TRDN: variants seen among roughly 807,000 people sequenced by gnomAD.
TRDN encodes triadin.
Under a neutral mutation model 149.7 loss-of-function variants are expected in TRDN, and 161 were observed. The ratio of observed to expected loss-of-function variants is 1.08; its 90% CI spans 0.95 to 1.23. TRDN has a LOEUF of 1.23. Among genes scored for constraint, TRDN ranks in the 50% most tolerant of loss-of-function variants. The pLI, the probability that TRDN is intolerant of heterozygous loss-of-function variation, is 0.00. For synonymous variants in TRDN, 294 were observed against 250.5 expected (o/e 1.17, Z -1.64); for missense variants, 896 against 823.5 (o/e 1.09, Z -1.08).
At chr6:123,494,949 G>A (rs1365948150) in intron 9 of TRDN, among the ~76,000 whole-genome samples, 2 of 151,820 alleles carry the variant, frequency 1.3e-5, no homozygotes, top group Non-Finnish European at 2.9e-5. Flanking sequence ...GGCCAGGCTG[G>A]TCTCAAACTC....
At chr6:123,447,130 T>C (rs1775432119) in intron 10 of TRDN, among the ~76,000 whole-genome samples, 1 of 152,204 alleles carries the variant, frequency 6.6e-6, no homozygotes. Flanking sequence ...GACTTTTCTT[T>C]AGTGATAGCT....
rs148302808 is a variant in TRDN, at chr6:123,578,431, T to C, written c.23-7299A>G. Among the ~76,000 whole-genome samples, 74 of 152,266 alleles carry C rather than the reference T, an allele frequency of 4.9e-4. 1 individual carries two copies. In the East Asian group the frequency reaches 0.014, roughly 28 times the overall value. ...TTACATATAACTTCCCCATTGCTTG[T>C]TTTTGTCAGCTTTGTCGAAGATCAG... On this transcript the variant is annotated intron_variant, in intron 1 of 40. Coordinates refer to ENST00000334268, the MANE Select transcript of TRDN (RefSeq NM_006073.4).
At chr6:123,584,963 C>A (rs569841864) in intron 1 of TRDN, among the ~76,000 whole-genome samples, 2 of 152,140 alleles carry the variant, frequency 1.3e-5, no homozygotes, top group South Asian at 4.1e-4. Context: ...AGTTTATAGG[C>A]TTTAAATGGC....
intron 26 of TRDN, 140 bp from the exon 27 acceptor site, chr6:123,274,810 T>A: frequency 1.3e-6 from 1 of 756,080 alleles, no homozygotes; most frequent in South Asian, 1.8e-5. Flanking sequence ...GAGGCAGAGG[T>A]TTCAGTGAGC....
chr6:123,470,142 T>C (rs1179205479), intron 9 of TRDN: 1 of 152,128 alleles, frequency 6.6e-6, no homozygotes, highest in Non-Finnish European at 1.5e-5. Context: ...TTTTAGTGTG[T>C]ATTTTTTTCT....
chr6:123,540,733 T>C (rs539132624), intron 4 of TRDN, among the ~76,000 whole-genome samples: 2 of 152,142 alleles, frequency 1.3e-5, no homozygotes, highest in Non-Finnish European at 2.9e-5. Flanking sequence ...TTAGCCAGGA[T>C]GGCCTCCATT....
chr6:123,474,895 A>G (rs1777384680), intron 9 of TRDN, among the ~76,000 whole-genome samples: 1 of 152,206 alleles, frequency 6.6e-6, no homozygotes, highest in Non-Finnish European at 1.5e-5. Context: ...AAGACACAAC[A>G]TACCAGAATC....
chr6:123,614,087 G>A (rs1185937919), intron 1 of TRDN, among the ~76,000 whole-genome samples: 1 of 151,704 alleles, frequency 6.6e-6, no homozygotes, highest in Non-Finnish European at 1.5e-5. Context: ...CAGTACCTGG[G>A]GGGCTTGTTA....
intron 24 of TRDN, among the ~76,000 whole-genome samples, chr6:123,311,082 C>T (rs1200378867): frequency 2.0e-5 from 3 of 151,804 alleles, no homozygotes; most frequent in East Asian, 3.9e-4. Context: ...AAATAAATAC[C>T]GAAGACTGGG....
chr6:123,469,919 A>AC (rs1777056162), intron 9 of TRDN: 1 of 152,236 alleles, frequency 6.6e-6, no homozygotes, highest in Admixed American at 6.5e-5. Context: ...TGAGCTCAGT[A>AC]CTTTTTCAGA....
Position 123,331,916 on chromosome 6 carries a change from C to T in TRDN, c.1434G>A (p.Gly478=). The change falls in exon 23 of 41, where the codon GGG becomes GGA. Residue 478 remains glycine (G), a synonymous_variant. Coordinates refer to ENST00000334268, the MANE Select transcript of TRDN (RefSeq NM_006073.4). ...GGGAAGCTGGAACTTTCTCTTCTTT[C>T]CCTTTAATAGGTTCTGAAAAGAAAC... ...SILKDKEPIK[G]KEEKVPASLK... 6.5e-7 allele frequency: 1 copy of T among 1,545,102 alleles called. No homozygotes were observed. Among genetic ancestry groups the T allele is most frequent in the Non-Finnish European group, 8.7e-7 (1 of 1,143,204 alleles).
intron 21 of TRDN, chr6:123,352,317 T>G (rs370231500): frequency 1.0e-6 from 1 of 984,990 alleles, no homozygotes; most frequent in Non-Finnish European, 1.2e-6. Context: ...TTGGGGAGTT[T>G]CCCTGTTCGG....
chr6:123,430,240 AGCC>A (rs978977360), intron 12 of TRDN, among the ~76,000 whole-genome samples: 6 of 152,040 alleles, frequency 3.9e-5, no homozygotes, highest in Admixed American at 1.3e-4. Flanking sequence ...ACTGCATTAA[AGCC>A]AGGTAGACAG....
intron 24 of TRDN, among the ~76,000 whole-genome samples, chr6:123,308,168 A>T (rs1335417361): frequency 1.3e-5 from 2 of 151,930 alleles, no homozygotes; most frequent in African/African-American, 4.8e-5. Context: ...CAGCTGCATC[A>T]ATTTTGCTTC....
chr6:123,490,498 G>T (rs1031097035), intron 9 of TRDN, among the ~76,000 whole-genome samples: 2 of 152,148 alleles, frequency 1.3e-5, no homozygotes, highest in African/African-American at 4.8e-5. Flanking sequence ...TTCAGACTGT[G>T]GTTGACTGTG....
chr6:123,502,118 T>C (rs1778725532), intron 8 of TRDN: 2 of 984,256 alleles, frequency 2.0e-6, no homozygotes, highest in South Asian at 9.4e-5. Context: ...TTCACTGATT[T>C]CATGTGATTA....
intron 15 of TRDN, 130 bp downstream of exon 15, chr6:123,381,987 CT>C: frequency 1.7e-6 from 1 of 604,094 alleles, no homozygotes. Context: ...CTCTCTCTCT[CT>C]CAATCTCAAT....
At chr6:123,544,585 C>T (rs1240288612) in intron 4 of TRDN, among the ~76,000 whole-genome samples, 1 of 151,898 alleles carries the variant, frequency 6.6e-6, no homozygotes, top group Non-Finnish European at 1.5e-5. Context: ...GCAAAGTATA[C>T]CACTATACAC....
At chr6:123,423,184 G>A (rs1477500559) in intron 12 of TRDN, among the ~76,000 whole-genome samples, 1 of 152,012 alleles carries the variant, frequency 6.6e-6, no homozygotes, top group Non-Finnish European at 1.5e-5. Flanking sequence ...AGAAGTTAAA[G>A]CTCAGAATAA....
Sources: allele counts gnomAD v4.1 joint callset (sites outside exome capture counted in the v4.1 genomes callset), GRCh38; gene constraint gnomAD v4.1.1; transcripts MANE v1.5; gene names NCBI Gene and HGNC (gene_info 2026-07-23, HGNC 2026-07-21).